ZNF316: variants seen among roughly 807,000 people sequenced by gnomAD.
ZNF316 encodes zinc finger protein 316.
In ZNF316, 23 loss-of-function variants were observed where a neutral mutation model predicts 75.6. The observed-to-expected ratio is 0.30, with a 90% CI of 0.22 to 0.43. The LOEUF is 0.43. ZNF316 is among the 20% of genes least tolerant of loss of function. The pLI is 1.00. For synonymous variants in ZNF316, 827 were observed against 666.2 expected (o/e 1.24, Z -3.72); for missense variants, 1,266 against 1,409.4 (o/e 0.90, Z 1.63).
intron 8 of ZNF316, among the ~76,000 whole-genome samples, chr7:6,649,928 G>C (rs1183398943): frequency 6.6e-6 from 1 of 152,188 alleles, no homozygotes; most frequent in Non-Finnish European, 1.5e-5. Flanking sequence ...GGTGATGGGA[G>C]GAGCCTCCCA....
In ZNF316 at chr7:6,646,538, T is replaced by G. The variant is rs1265603332; in HGVS notation, c.706+1945T>G. On this transcript the variant is annotated intron_variant, in intron 8 of 8. Transcript: ENST00000382252. The stretch of plus-strand genomic sequence containing the variant: ...ACCTGGCTGGGGTTTGAGAGCTACC[T>G]GAGGGGCTGGCTGGGCCAGTGCCTC... Among the ~76,000 whole-genome samples, 3 of 152,296 alleles carry G rather than the reference T, an allele frequency of 2.0e-5. No homozygotes were observed. The East Asian group carries it at 5.8e-4, about 29-fold the overall frequency.
Position 6,653,699 on chromosome 7 carries a change from G to A in ZNF316, c.2103G>A (p.Gly701=). Residue 701 remains glycine (G), a synonymous_variant, in exon 9 of 9, where the codon GGG becomes GGA. Transcript: ENST00000382252. ...GCTCGGACTGCGGCAAGACGTTTGG[G>A]CGCCGGGCCGCGCTGGCCAAGCACC... ...WICSDCGKTF[G]RRAALAKHQR... The A allele has an allele frequency of 9.2e-7, 1 of 1,090,530 alleles. No homozygotes were observed. The highest frequency in any genetic ancestry group is 1.1e-6 in the Non-Finnish European group (1 of 895,912). The allele number at this position is 1,090,530 out of a possible 1,614,324, so 67.6% of individuals were successfully genotyped here.
chr7:6,654,394 A>T lies in ZNF316; in HGVS notation c.2798A>T (p.His933Leu). ...RFSQSSHLLT[H>L]MKTHRGATAA... ...TCGCAGAGCTCGCACTTGCTCACCC[A>T]CATGAAGACGCACCGCGGAGCCACC... is the stretch of plus-strand genomic sequence containing the variant. Residue 933 changes from histidine to leucine, a missense_variant, in exon 9 of 9, where the codon CAC becomes CTC. His to Leu is a moderately conservative substitution (Grantham distance 99, BLOSUM62 -3). This residue lies in a region of ZNF316 where 194 missense variants were observed against 319.2 expected (regional missense o/e 0.61). Coordinates refer to ENST00000382252, the MANE Select transcript of ZNF316 (RefSeq NM_001278559.2). The T allele has an allele frequency of 8.2e-7, 1 of 1,216,072 alleles. No individual in the cohort carries two copies. Among genetic ancestry groups the T allele is most frequent in the South Asian group, 4.1e-5 (1 of 24,358 alleles). The allele number at this position is 1,216,072 out of a possible 1,614,324, so 75.3% of individuals were successfully genotyped here.
In ZNF316 at chr7:6,653,909, C is replaced by A; in HGVS notation, c.2313C>A (p.Gly771=). 17 of 1,128,070 alleles carry A rather than the reference C, an allele frequency of 1.5e-5. 1 individual carries two copies. The highest frequency in any genetic ancestry group is 1.8e-5 in the Non-Finnish European group (17 of 921,936). 69.9% of individuals were successfully genotyped at this position (1,128,070 alleles called of 1,614,324 possible). The change falls in exon 9 of 9, where the codon GGC becomes GGA. Residue 771 remains glycine (G), a synonymous_variant. Coordinates refer to ENST00000382252, the MANE Select transcript of ZNF316 (RefSeq NM_001278559.2). ...CGGCGCACGTGCGCGGCCACACGGGCGAGAAGCCGTTCGTGTGCGGCGTGT... is the reference window on the plus strand; with the variant it reads ...CGGCGCACGTGCGCGGCCACACGGGAGAGAAGCCGTTCGTGTGCGGCGTGT... ...HLAAHVRGHT[G]EKPFVCGVCG...
rs895968987 is a variant in ZNF316 at position 6,654,448 on chromosome 7, C to T, written c.2852C>T (p.Ala951Val). 1 of 1,201,490 alleles carries T rather than the reference C, an allele frequency of 8.3e-7. No individual in the cohort carries two copies. Among genetic ancestry groups the T allele is most frequent in the Non-Finnish European group, 1.0e-6 (1 of 968,694 alleles). 74.4% of individuals were successfully genotyped at this position (1,201,490 alleles called of 1,614,324 possible). Reference protein sequence around the residue: ...TAAPGSGSAPAPAPKPEAAAK... With the variant: ...TAAPGSGSAPVPAPKPEAAAK... ...GCGCCGGGCTCGGGTTCGGCCCCAG[C>T]CCCCGCGCCCAAGCCCGAGGCGGCC... Residue 951 changes from alanine to valine, a missense_variant, in exon 9 of 9, where the codon GCC (alanine) becomes GTC (valine). Transcript: ENST00000382252.
Position 6,653,943 on chromosome 7 carries a change from G to A in ZNF316, c.2347G>A (p.Gly783Arg). Reference sequence around the variant, plus strand: ...GTTCGTGTGCGGCGTGTGCGGTGCGGGGTTCAGCCGTCGCGCGCACTTGAC... The same window carrying A: ...GTTCGTGTGCGGCGTGTGCGGTGCGAGGTTCAGCCGTCGCGCGCACTTGAC... ...KPFVCGVCGA[G>R]FSRRAHLTAH... Residue 783 changes from glycine to arginine, a missense_variant, in exon 9 of 9, where the codon GGG (glycine) becomes AGG (arginine). Coordinates refer to ENST00000382252, the MANE Select transcript of ZNF316 (RefSeq NM_001278559.2). 8.7e-7 allele frequency: 1 copy of A among 1,152,208 alleles called. No individual in the cohort carries two copies. The highest frequency in any genetic ancestry group is 1.1e-6 in the Non-Finnish European group (1 of 937,662). The allele number at this position is 1,152,208 out of a possible 1,614,324, so 71.4% of individuals were successfully genotyped here. A position where few individuals can be genotyped will look rare whatever the true frequency, so the allele number is the denominator to read the frequency against.
At position 6,642,161 on chromosome 7, in the gene ZNF316, G is replaced by A. The variant is rs1263597925; in HGVS notation, c.-29+199G>A. ...GAGACTGGCATCCCAGGGGTCACGCGGAGGGGCCATTGGGGCAGCCTTTCT... is the reference window on the plus strand; with the variant it reads ...GAGACTGGCATCCCAGGGGTCACGCAGAGGGGCCATTGGGGCAGCCTTTCT... On this transcript the variant is annotated intron_variant, in intron 4 of 8. Transcript: ENST00000382252. The surrounding 1 kb of genome is among the most constrained non-coding windows in gnomAD (Gnocchi z 8.1). The A allele has an allele frequency of 1.9e-5, 7 of 375,984 alleles. No homozygotes were observed. The highest frequency in any genetic ancestry group is 1.5e-4 in the South Asian group (1 of 6,860). 23.3% of individuals were successfully genotyped at this position (375,984 alleles called of 1,614,324 possible).
Position 6,652,926 on chromosome 7 carries a change from C to T in ZNF316, c.1330C>T (p.Leu444=). The T allele has an allele frequency of 1.6e-6, 2 of 1,241,654 alleles. No homozygotes were observed. The highest frequency in any genetic ancestry group is 2.0e-6 in the Non-Finnish European group (2 of 992,650). The allele number at this position is 1,241,654 out of a possible 1,614,324, so 76.9% of individuals were successfully genotyped here. Residue 444 remains leucine, a synonymous_variant, in exon 9 of 9, where the codon CTG becomes TTG. Coordinates refer to ENST00000382252, the MANE Select transcript of ZNF316 (RefSeq NM_001278559.2). ...CGCGGGCTTCGGGCGCCGCTCCTAC[C>T]TGGTCACGCACCAGCGCACGCACAC... ...CGAGFGRRSY[L]VTHQRTHTGE... is the part of the protein sequence containing the mutation.
rs747347808 is a variant in ZNF316 at position 6,657,831 on chromosome 7, CAAA to C, written c.*3244_*3246del. On this transcript the variant is annotated 3_prime_UTR_variant, in exon 9 of 9. Transcript: ENST00000382252. Reference sequence around the variant, plus strand: ...GTGACAGAACAAGACCCTATCTCACCAAAAAAAAAAAAAAAAAAAAAAAAAAGG... The same window carrying C: ...GTGACAGAACAAGACCCTATCTCACCAAAAAAAAAAAAAAAAAAAAAAAGG... Among the ~76,000 whole-genome samples the C allele has an allele frequency of 7.2e-5, 2 of 27,722 alleles. No homozygotes were observed. Among genetic ancestry groups the C allele is most frequent in the South Asian group, 2.1e-3 (1 of 486 alleles). The allele number at this position is 27,722 out of a possible 152,430, so 18.2% of individuals were successfully genotyped here.
rs1779608076 is a variant in ZNF316, at chr7:6,655,548, C to A, written c.*937C>A. ...TTCACTTCCCTGGGCTGCCCCTCTC[C>A]GGGAGCAGGCAGACGCCCCGTTCTC... On this transcript the variant is annotated 3_prime_UTR_variant, in exon 9 of 9. Coordinates refer to ENST00000382252, the MANE Select transcript of ZNF316 (RefSeq NM_001278559.2). 1 of 152,174 alleles carries A rather than the reference C, an allele frequency of 6.6e-6. No individual in the cohort carries two copies. Among genetic ancestry groups the A allele is most frequent in the Non-Finnish European group, 1.5e-5 (1 of 68,034 alleles). 9.4% of individuals were successfully genotyped at this position (152,174 alleles called of 1,614,324 possible).
In ZNF316 at chr7:6,654,872, C is replaced by A; in HGVS notation, c.*261C>A. On this transcript the variant is annotated 3_prime_UTR_variant, in exon 9 of 9. Transcript: ENST00000382252. ...TCACCCCCACGGAGACTGCGATATC[C>A]CCTGGGTGGGCCCGGGCTGTGAAGC... 1 of 263,892 alleles carries A rather than the reference C, an allele frequency of 3.8e-6. No individual in the cohort carries two copies. Among genetic ancestry groups the A allele is most frequent in the Non-Finnish European group, 7.1e-6 (1 of 139,950 alleles). 16.3% of individuals were successfully genotyped at this position (263,892 alleles called of 1,614,324 possible). A position where few individuals can be genotyped will look rare whatever the true frequency, so the allele number is the denominator to read the frequency against.
At position 6,642,176 on chromosome 7, in the gene ZNF316, G is replaced by A; in HGVS notation, c.-28-206G>A. ...GGGGTCACGCGGAGGGGCCATTGGG[G>A]CAGCCTTTCTGGGTACAGAATGTCT... On this transcript the variant is annotated intron_variant, in intron 4 of 8. Coordinates refer to ENST00000382252, the MANE Select transcript of ZNF316 (RefSeq NM_001278559.2). This position sits in a 1 kb window ranked among gnomAD's most constrained non-coding sequence, Gnocchi z 8.1. 1 of 386,018 alleles carries A rather than the reference G, an allele frequency of 2.6e-6. No individual in the cohort carries two copies. The highest frequency in any genetic ancestry group is 4.6e-6 in the Non-Finnish European group (1 of 218,394). 23.9% of individuals were successfully genotyped at this position (386,018 alleles called of 1,614,324 possible).
At position 6,637,732 on chromosome 7, in the gene ZNF316, G is replaced by C. The variant is rs1237789361; in HGVS notation, c.-430-114G>C. 2 of 151,960 alleles carry C rather than the reference G, an allele frequency of 1.3e-5. No homozygotes were observed. Among genetic ancestry groups the C allele is most frequent in the East Asian group, 3.9e-4 (2 of 5,134 alleles). 9.4% of individuals were successfully genotyped at this position (151,960 alleles called of 1,614,324 possible). A position where few individuals can be genotyped will look rare whatever the true frequency, so the allele number is the denominator to read the frequency against. ...GGAGGCGGAGGGGGCAGGCCCGGGA[G>C]GCCACGCGTGACACCTCGGGGTGCC... On this transcript the variant is annotated intron_variant, in intron 1 of 8. Coordinates refer to ENST00000382252, the MANE Select transcript of ZNF316 (RefSeq NM_001278559.2). This position sits in a 1 kb window ranked among gnomAD's most constrained non-coding sequence, Gnocchi z 6.2.
chr7:6,649,517 C>T (rs1040263648), intron 8 of ZNF316, among the ~76,000 whole-genome samples: 2 of 152,230 alleles, frequency 1.3e-5, no homozygotes, highest in African/African-American at 2.4e-5. Flanking sequence ...AGCCAGCAAA[C>T]GCCCTCGGGG....
In ZNF316 at chr7:6,644,470, C is replaced by T; in HGVS notation, c.593-10C>T. ...GAGCCGCCTGCAGCCGCCGTCTGTT[C>T]TCCTGGCAGGATACCCAATTCCCAA... On this transcript the variant is annotated splice_polypyrimidine_tract_variant and intron_variant, in intron 7 of 8. Coordinates refer to ENST00000382252, the MANE Select transcript of ZNF316 (RefSeq NM_001278559.2). 3 of 1,230,294 alleles carry T rather than the reference C, an allele frequency of 2.4e-6. No individual in the cohort carries two copies. The highest frequency in any genetic ancestry group is 3.2e-5 in the East Asian group (1 of 31,684). 76.2% of individuals were successfully genotyped at this position (1,230,294 alleles called of 1,614,324 possible).
rs1305667988 is a variant in ZNF316 at position 6,637,954 on chromosome 7, C to T, written c.-322C>T. 2 of 152,224 alleles carry T rather than the reference C, an allele frequency of 1.3e-5. No homozygotes were observed. The highest frequency in any genetic ancestry group is 2.9e-5 in the Non-Finnish European group (2 of 68,058). The allele number at this position is 152,224 out of a possible 1,614,324, so 9.4% of individuals were successfully genotyped here. ...CCTTGGGGGCCTTATCCGGGCTTTC[C>T]CTCATCTGCAGAAGGAGCCCCGGTG... On this transcript the variant is annotated 5_prime_UTR_variant, in exon 2 of 9. Transcript: ENST00000382252. The surrounding 1 kb of genome is among the most constrained non-coding windows in gnomAD (Gnocchi z 6.2).
At position 6,654,566 on chromosome 7, in the gene ZNF316, C is replaced by A; in HGVS notation, c.2970C>A (p.Ala990=). 1 of 1,187,882 alleles carries A rather than the reference C, an allele frequency of 8.4e-7. No homozygotes were observed. The highest frequency in any genetic ancestry group is 1.0e-6 in the Non-Finnish European group (1 of 959,828). The allele number at this position is 1,187,882 out of a possible 1,614,324, so 73.6% of individuals were successfully genotyped here. Residue 990 remains alanine (A), a synonymous_variant, in exon 9 of 9, where the codon GCC becomes GCA. Coordinates refer to ENST00000382252, the MANE Select transcript of ZNF316 (RefSeq NM_001278559.2). ...CAAGCTTCGGCTCCGAGCACCAGGCCGCGTTCGCCGGGCCCTCGGGCGCCT... is the reference window on the plus strand; with the variant it reads ...CAAGCTTCGGCTCCGAGCACCAGGCAGCGTTCGCCGGGCCCTCGGGCGCCT... The part of the protein sequence containing the change: ...GGTSFGSEHQ[A]AFAGPSGAYR...
rs1779274646 is a variant in ZNF316, at chr7:6,639,375, TC to T, written c.-167+235del. 1.3e-5 allele frequency among the ~76,000 whole-genome samples: 2 copies of T among 152,152 alleles called. No homozygotes were observed. The highest frequency in any genetic ancestry group is 6.5e-5 in the Admixed American group (1 of 15,272). On this transcript the variant is annotated intron_variant, in intron 3 of 8. Transcript: ENST00000382252. This position sits in a 1 kb window ranked among gnomAD's most constrained non-coding sequence, Gnocchi z 4.2. ...TCTGCCGCCCAGGAGCTGGCTGTAC[TC>T]AGGGAGAGAGATGATAAGACAGTCT...
At chr7:6,641,171 A>G (rs1488668080) in intron 3 of ZNF316, among the ~76,000 whole-genome samples, 4 of 152,188 alleles carry the variant, frequency 2.6e-5, no homozygotes, top group Admixed American at 2.6e-4. Flanking sequence ...GTCTTGTTTT[A>G]GGAGTTCTGT....
Sources: allele counts gnomAD v4.1 joint callset (sites outside exome capture counted in the v4.1 genomes callset), GRCh38; gene constraint gnomAD v4.1.1; regional missense constraint gnomAD v4.1.1; non-coding constraint Gnocchi (gnomAD v3.1); transcripts MANE v1.5; gene names NCBI Gene and HGNC (gene_info 2026-07-23, HGNC 2026-07-21).